Variants in F10 observed in about 807,000 individuals in gnomAD.
F10 encodes coagulation factor X, also known as Stuart-Prower factor.
In F10, 29 loss-of-function variants were observed where a neutral mutation model predicts 37.1. The observed-to-expected ratio is 0.78, with a 90% CI of 0.58 to 1.07. The LOEUF (loss-of-function observed/expected upper bound fraction) is 1.07, where lower values mean the gene tolerates loss of function less well. F10 is among the 50% of genes least tolerant of loss of function. F10 has a pLI of 0.00. For missense variants in F10, 539 were observed against 667.9 expected (o/e 0.81, Z 2.13); for synonymous variants, 262 against 268.6 (o/e 0.98, Z 0.24).
chr13:113,142,392 A>T (rs1356865814), intron 5 of F10, among the ~76,000 whole-genome samples: 5 of 150,912 alleles, frequency 3.3e-5, no homozygotes, highest in Non-Finnish European at 7.4e-5. Context: ...ATACAAAAAA[A>T]AAAAAAAATT....
intron 6 of F10, 34 bp from the exon 7 acceptor site, chr13:113,147,345 G>T: frequency 1.4e-6 from 2 of 1,472,836 alleles, no homozygotes; most frequent in South Asian, 1.1e-5. Flanking sequence ...TGTCCACCTG[G>T]CCAGCCACAC....
chr13:113,128,632 G>T (rs1306425538), intron 1 of F10: 1 of 152,310 alleles, frequency 6.6e-6, no homozygotes, highest in East Asian at 1.9e-4. Flanking sequence ...GGCTGAGGCA[G>T]GTGGATCACT....
At chr13:113,127,980 T>C (rs1595087203) in intron 1 of F10, among the ~76,000 whole-genome samples, 1 of 152,054 alleles carries the variant, frequency 6.6e-6, no homozygotes, top group Non-Finnish European at 1.5e-5. Flanking sequence ...AGGAGGCTGG[T>C]GAGCTGATTG....
chr13:113,129,879 C>G (rs918145899), intron 2 of F10: 1 of 519,776 alleles, frequency 1.9e-6, no homozygotes, highest in Non-Finnish European at 3.5e-6. Context: ...GGGCTTCTGC[C>G]AGAGTTAAGT....
chr13:113,128,611 G>C (rs1192215912), intron 1 of F10: 1 of 152,304 alleles, frequency 6.6e-6, no homozygotes, highest in Non-Finnish European at 1.5e-5. Context: ...TGTAATCCCA[G>C]CACTTTGGGA....
rs532906472 is a variant in F10 at position 113,145,132 on chromosome 13, A to G, written c.747+1037A>G. ...CCTGACCTGGTGATCTGCCCACCTC[A>G]GCCTCCCAAAGTGCTGGGATTACAG... On this transcript the variant is annotated intron_variant, in intron 6 of 7. Transcript: ENST00000375559. 4.7e-3 allele frequency among the ~76,000 whole-genome samples: 713 copies of G among 152,276 alleles called. 3 individuals carry two copies. Among genetic ancestry groups the G allele is most frequent in the South Asian group, 0.019 (94 of 4,830 alleles).
rs2036588323 is a variant in F10 at position 113,146,992 on chromosome 13, A to G, written c.748-387A>G. Among the ~76,000 whole-genome samples the G allele has an allele frequency of 6.6e-6, 1 of 152,186 alleles. No individual in the cohort carries two copies. The highest frequency in any genetic ancestry group is 1.5e-5 in the Non-Finnish European group (1 of 68,032). On this transcript the variant is annotated intron_variant, in intron 6 of 7. Coordinates refer to ENST00000375559, the MANE Select transcript of F10 (RefSeq NM_000504.4). The surrounding 1 kb of genome is among the most constrained non-coding windows in gnomAD (Gnocchi z 4.5). ...CTGCTGAACCGTCGGGACACCAGGC[A>G]GGCACACCGGTTGAGGCAGATGATG...
At chr13:113,129,707 G>A in intron 2 of F10, 95 bp downstream of exon 2, 3 of 1,542,704 alleles carry the variant, frequency 1.9e-6, no homozygotes, top group African/African-American at 1.4e-5. Flanking sequence ...GGGCGGCCTG[G>A]AGGAAGGGGC....
Position 113,141,125 on chromosome 13 carries a change from T to G in F10, c.502+75T>G, listed in dbSNP as rs1247826497. 1 of 1,595,126 alleles carries G rather than the reference T, an allele frequency of 6.3e-7. No individual in the cohort carries two copies. The highest frequency in any genetic ancestry group is 8.5e-7 in the Non-Finnish European group (1 of 1,173,722). On this transcript the variant is annotated intron_variant, in intron 5 of 7. Coordinates refer to ENST00000375559, the MANE Select transcript of F10 (RefSeq NM_000504.4). The surrounding 1 kb of genome is among the most constrained non-coding windows in gnomAD (Gnocchi z 5.4). The stretch of plus-strand genomic sequence containing the variant: ...GGGAGGACAAGCCCGTGCCAGGGGG[T>G]GGGGACACAGGCATGTTCTGGGCGG...
chr13:113,147,403 G>C lies in F10; in HGVS notation c.772G>C (p.Glu258Gln). ...GGCCCTGCTCATCAATGAGGAAAAC[G>C]AGGGTTTCTGTGGTGGAACCATTCT... ...WQALLINEEN[E>Q]GFCGGTILSE... Residue 258 changes from glutamate to glutamine, a missense_variant, in exon 7 of 8, where the codon GAG becomes CAG. This residue lies in a region of F10 where 409 missense variants were observed against 547.9 expected (regional missense o/e 0.75). Coordinates refer to ENST00000375559, the MANE Select transcript of F10 (RefSeq NM_000504.4). 6.2e-7 allele frequency: 1 copy of C among 1,613,606 alleles called. No homozygotes were observed. The highest frequency in any genetic ancestry group is 8.5e-7 in the Non-Finnish European group (1 of 1,179,530).
At chr13:113,138,918 T>G (rs1595093109) in intron 3 of F10, among the ~76,000 whole-genome samples, 1 of 152,222 alleles carries the variant, frequency 6.6e-6, no homozygotes, top group African/African-American at 2.4e-5. Flanking sequence ...TATCTCTAAA[T>G]GAGATTGTGT....
chr13:113,140,728 C>T, intron 4 of F10, 191 bp from the exon 5 acceptor site: 3 of 810,264 alleles, frequency 3.7e-6, no homozygotes, highest in South Asian at 2.8e-5. Context: ...CCGGGCACTG[C>T]ACCATGAGCT....
At chr13:113,136,321 G>C (rs2036477574) in intron 2 of F10, among the ~76,000 whole-genome samples, 1 of 151,922 alleles carries the variant, frequency 6.6e-6, no homozygotes. Context: ...GAATTTGACA[G>C]TTTCTTATAA....
rs954607886 is a variant in F10 at position 113,146,982 on chromosome 13, G to A, written c.748-397G>A. ...CAGGCTCACACTGCTGAACCGTCGG[G>A]ACACCAGGCAGGCACACCGGTTGAG... On this transcript the variant is annotated intron_variant, in intron 6 of 7. Coordinates refer to ENST00000375559, the MANE Select transcript of F10 (RefSeq NM_000504.4). This position sits in a 1 kb window ranked among gnomAD's most constrained non-coding sequence, Gnocchi z 4.5. 5.3e-5 allele frequency among the ~76,000 whole-genome samples: 8 copies of A among 152,158 alleles called. No individual in the cohort carries two copies. Among genetic ancestry groups the A allele is most frequent in the African/African-American group, 1.9e-4 (8 of 41,424 alleles).
rs766141757 is a variant in F10, at chr13:113,140,971, C to T, written c.423C>T (p.His141=). 10 of 1,614,148 alleles carry T rather than the reference C, an allele frequency of 6.2e-6. No individual in the cohort carries two copies. The highest frequency in any genetic ancestry group is 1.3e-5 in the African/African-American group (1 of 75,068). The change falls in exon 5 of 8, where the codon CAC becomes CAT. Residue 141 remains histidine, a synonymous_variant. Coordinates refer to ENST00000375559, the MANE Select transcript of F10 (RefSeq NM_000504.4). ...LDNGDCDQFC[H]EEQNSVVCSC... ...ACGGGGACTGTGACCAGTTCTGCCA[C>T]GAGGAACAGAACTCTGTGGTGTGCT... is the stretch of plus-strand genomic sequence containing the variant.
chr13:113,134,074 C>T (rs921855257), intron 2 of F10, among the ~76,000 whole-genome samples: 2 of 152,116 alleles, frequency 1.3e-5, no homozygotes, highest in African/African-American at 4.8e-5. Flanking sequence ...TGATATTATA[C>T]TTAAAGGTGA....
intron 2 of F10, 144 bp downstream of exon 2, chr13:113,129,756 T>G: frequency 9.3e-7 from 1 of 1,080,252 alleles, no homozygotes; most frequent in South Asian, 1.3e-5. Context: ...GCCCAGCAAA[T>G]CGAGGCCTCG....
intron 2 of F10, chr13:113,130,636 C>T (rs1169268554): frequency 1.3e-5 from 2 of 152,316 alleles, no homozygotes; most frequent in Non-Finnish European, 2.9e-5. Context: ...AGGCCACCGC[C>T]GAAGGTTACT....
In F10 at chr13:113,147,635, T is replaced by C. The variant is rs537235507; in HGVS notation, c.865+139T>C. 7.4e-6 allele frequency: 5 copies of C among 675,034 alleles called. No individual in the cohort carries two copies. In the East Asian group the frequency reaches 1.1e-4, roughly 15 times the overall value. 41.8% of individuals were successfully genotyped at this position (675,034 alleles called of 1,614,324 possible). A position where few individuals can be genotyped will look rare whatever the true frequency, so the allele number is the denominator to read the frequency against. On this transcript the variant is annotated intron_variant, in intron 7 of 7. Transcript: ENST00000375559. ...CCTATTTGTAGGGGTTAGGGGCATT[T>C]CACAGAGGAAGAAGATGAGGAAGCA...
Sources: allele counts gnomAD v4.1 joint callset (sites outside exome capture counted in the v4.1 genomes callset), GRCh38; gene constraint gnomAD v4.1.1; regional missense constraint gnomAD v4.1.1; non-coding constraint Gnocchi (gnomAD v3.1); transcripts MANE v1.5; gene names NCBI Gene and HGNC (gene_info 2026-07-23, HGNC 2026-07-21).